NEGR1: variants seen among roughly 807,000 people sequenced by gnomAD.
The protein encoded by NEGR1 is IgLON family member 4.
Under a neutral mutation model 40.9 loss-of-function variants are expected in NEGR1, and 10 were observed. The observed-to-expected ratio is 0.24, with a 90% CI of 0.15 to 0.42. The LOEUF is 0.42. Ranked by LOEUF, NEGR1 falls within the 10% of genes least tolerant of loss-of-function variation. The pLI is 1.00. For missense variants in NEGR1, 352 were observed against 438.9 expected (o/e 0.80, Z 1.77); for synonymous variants, 185 against 166.8 (o/e 1.11, Z -0.84).
At chr1:71,562,366 T>C (rs1265754320) in intron 6 of NEGR1, among the ~76,000 whole-genome samples, 1 of 151,786 alleles carries the variant, frequency 6.6e-6, no homozygotes, top group Admixed American at 6.6e-5. Context: ...AGGTATTCCT[T>C]GGTATTTTTC....
chr1:72,135,038 G>A (rs1287758339), intron 1 of NEGR1, among the ~76,000 whole-genome samples: 1 of 148,984 alleles, frequency 6.7e-6, no homozygotes, highest in Non-Finnish European at 1.5e-5. Flanking sequence ...CGCCTGGCCC[G>A]AGATTGAATT....
chr1:72,176,434 C>A (rs1489154090), intron 1 of NEGR1, among the ~76,000 whole-genome samples: 1 of 151,882 alleles, frequency 6.6e-6, no homozygotes, highest in Non-Finnish European at 1.5e-5. Flanking sequence ...GAGAAGAATA[C>A]CAAAATGGAT....
At chr1:71,465,625 C>T (rs1646740738) in intron 6 of NEGR1, among the ~76,000 whole-genome samples, 1 of 151,936 alleles carries the variant, frequency 6.6e-6, no homozygotes, top group Non-Finnish European at 1.5e-5. Flanking sequence ...TATAATAGAC[C>T]TTTTTCACTC....
At chr1:72,028,773 T>G (rs1646832918) in intron 1 of NEGR1, among the ~76,000 whole-genome samples, 1 of 152,216 alleles carries the variant, frequency 6.6e-6, no homozygotes, top group Admixed American at 6.5e-5. Flanking sequence ...TTGTTTCATA[T>G]TCCCACCATA....
At chr1:71,657,730 C>G (rs1385362244) in intron 4 of NEGR1, among the ~76,000 whole-genome samples, 1 of 152,262 alleles carries the variant, frequency 6.6e-6, no homozygotes, top group African/African-American at 2.4e-5. Flanking sequence ...GTTTGATCCT[C>G]CCTGGTGACT....
intron 5 of NEGR1, among the ~76,000 whole-genome samples, chr1:71,596,001 A>T (rs1649697289): frequency 6.6e-6 from 1 of 150,936 alleles, no homozygotes; most frequent in South Asian, 2.1e-4. Context: ...ACAATGAAAT[A>T]TGCTTTCTTA....
At position 71,740,887 on chromosome 1, in the gene NEGR1, G is replaced by A. The variant is rs72944196; in HGVS notation, c.535+35285C>T. 5.4e-3 allele frequency among the ~76,000 whole-genome samples: 816 copies of A among 152,204 alleles called. 7 individuals carry two copies. The highest frequency in any genetic ancestry group is 0.019 in the African/African-American group (781 of 41,528). On this transcript the variant is annotated intron_variant, in intron 3 of 6. Transcript: ENST00000357731. ...GTCAAGTTATGCTTTGGAAATTTCAGAGTTGACAAGAAAATATTGATTTTC... is the reference window on the plus strand; with the variant it reads ...GTCAAGTTATGCTTTGGAAATTTCAAAGTTGACAAGAAAATATTGATTTTC...
chr1:71,805,475 C>A (rs1162870907), intron 2 of NEGR1, among the ~76,000 whole-genome samples: 1 of 152,068 alleles, frequency 6.6e-6, no homozygotes, highest in Non-Finnish European at 1.5e-5. Context: ...TTTCTCAGAC[C>A]AGCCGACACT....
intron 2 of NEGR1, among the ~76,000 whole-genome samples, chr1:71,907,790 T>C (rs575865879): frequency 6.6e-6 from 1 of 152,016 alleles, no homozygotes; most frequent in Non-Finnish European, 1.5e-5. Context: ...GAAAATAGGG[T>C]ACATACACCC....
At chr1:71,715,257 AC>A (rs1654237124) in intron 3 of NEGR1, among the ~76,000 whole-genome samples, 2 of 152,278 alleles carry the variant, frequency 1.3e-5, no homozygotes, top group South Asian at 4.1e-4. Context: ...CCTGTGCCCA[AC>A]CCAGGAAATC....
intron 6 of NEGR1, among the ~76,000 whole-genome samples, chr1:71,557,414 T>C (rs1288111040): frequency 6.6e-6 from 1 of 151,614 alleles, no homozygotes; most frequent in African/African-American, 2.4e-5. Flanking sequence ...ATGTCAACTT[T>C]AGAGTGCTTT....
chr1:71,647,124 A>T (rs116021837), intron 4 of NEGR1, among the ~76,000 whole-genome samples: 1 of 151,790 alleles, frequency 6.6e-6, no homozygotes, highest in Admixed American at 6.6e-5. Flanking sequence ...TATTGGCCCT[A>T]AAGTGTTCAG....
intron 2 of NEGR1, among the ~76,000 whole-genome samples, chr1:71,788,587 C>A (rs1038125920): frequency 2.6e-5 from 4 of 151,998 alleles, no homozygotes; most frequent in Non-Finnish European, 5.9e-5. Flanking sequence ...ATTCTTAATT[C>A]TCTTTAACGC....
chr1:72,200,966 G>T (rs950195900), intron 1 of NEGR1, among the ~76,000 whole-genome samples: 1 of 151,808 alleles, frequency 6.6e-6, no homozygotes, highest in Non-Finnish European at 1.5e-5. Flanking sequence ...CAAAAATCAT[G>T]TACTATTAGT....
intron 1 of NEGR1, among the ~76,000 whole-genome samples, chr1:72,239,990 C>T (rs78545514): frequency 0.016 from 2,368 of 151,738 alleles, 44 homozygotes; most frequent in Admixed American, 0.051. Flanking sequence ...ATTTTTGCAC[C>T]AAAGTAATCA....
chr1:72,269,981 T>C (rs941694090), intron 1 of NEGR1, among the ~76,000 whole-genome samples: 7 of 151,758 alleles, frequency 4.6e-5, no homozygotes, highest in African/African-American at 1.7e-4. Flanking sequence ...TGGTGCCGAG[T>C]AAATGCGTAA....
At chr1:71,504,803 A>G (rs1030132633) in intron 6 of NEGR1, among the ~76,000 whole-genome samples, 2 of 152,190 alleles carry the variant, frequency 1.3e-5, no homozygotes, top group African/African-American at 4.8e-5. Context: ...GATTGAGACC[A>G]GAGCACACTG....
chr1:71,959,877 C>T (rs777394888), intron 1 of NEGR1, among the ~76,000 whole-genome samples: 24 of 151,806 alleles, frequency 1.6e-4, no homozygotes, highest in African/African-American at 3.6e-4. Context: ...CCACAGACAA[C>T]GTTGTTAAAT....
intron 1 of NEGR1, among the ~76,000 whole-genome samples, chr1:72,279,615 T>C (rs1656176678): frequency 6.6e-6 from 1 of 152,146 alleles, no homozygotes; most frequent in Non-Finnish European, 1.5e-5. Context: ...TCTAGTGAGT[T>C]AGAGAATAAC....
Sources: allele counts gnomAD v4.1 joint callset (sites outside exome capture counted in the v4.1 genomes callset), GRCh38; gene constraint gnomAD v4.1.1; transcripts MANE v1.5; gene names NCBI Gene and HGNC (gene_info 2026-07-23, HGNC 2026-07-21).